Variants in NEK1 observed in about 807,000 individuals in gnomAD.
NEK1 encodes the protein serine/threonine-protein kinase Nek1.
In NEK1, 137 loss-of-function variants were observed where a neutral mutation model predicts 182.1. The ratio of observed to expected loss-of-function variants is 0.75; its 90% CI spans 0.65 to 0.87. NEK1 has a LOEUF of 0.87. NEK1 is among the 40% of genes least tolerant of loss of function. The pLI is 0.00. For synonymous variants in NEK1, 513 were observed against 492.2 expected, an observed-to-expected ratio of 1.04 and a Z score of -0.56; for missense variants, 1,391 against 1,494.4, an observed-to-expected ratio of 0.93 and a Z score of 1.14.
chr4:169,495,456 A>T (rs1751051225), intron 23 of NEK1, among the ~76,000 whole-genome samples: 1 of 151,578 alleles, frequency 6.6e-6, no homozygotes, highest in South Asian at 2.1e-4. Flanking sequence ...GTTAGCCAGG[A>T]TGGTCTCGAT....
intron 12 of NEK1, among the ~76,000 whole-genome samples, chr4:169,569,510 CCT>C (rs1224883244): frequency 2.7e-5 from 4 of 146,116 alleles, no homozygotes; most frequent in African/African-American, 5.2e-5. Flanking sequence ...TCTCCCTCTC[CCT>C]CTCTTTCCAC....
intron 2 of NEK1, among the ~76,000 whole-genome samples, chr4:169,606,833 G>C (rs970323021): frequency 2.0e-5 from 3 of 152,148 alleles, no homozygotes; most frequent in African/African-American, 7.2e-5. Flanking sequence ...AATATATAAA[G>C]AAACAGCAAT....
At chr4:169,609,414 A>T (rs555079300) in intron 2 of NEK1, among the ~76,000 whole-genome samples, 83 of 152,344 alleles carry the variant, frequency 5.4e-4, no homozygotes, top group Admixed American at 1.5e-3. Context: ...CCTCTGCAGC[A>T]CTGTTTCTAA....
chr4:169,455,175 TG>T (rs1424847935), intron 27 of NEK1, among the ~76,000 whole-genome samples: 2 of 152,056 alleles, frequency 1.3e-5, no homozygotes, highest in Non-Finnish European at 2.9e-5. Context: ...TGGGGCATGT[TG>T]GGGGGTTGGG....
intron 18 of NEK1, among the ~76,000 whole-genome samples, chr4:169,550,032 T>C (rs10001274): frequency 0.33 from 50,217 of 152,020 alleles, 11,311 homozygotes; most frequent in African/African-American, 0.65. Context: ...TTTTTCAAGA[T>C]TTAGCAATAC....
intron 12 of NEK1, among the ~76,000 whole-genome samples, chr4:169,569,619 G>A (rs975657640): frequency 6.6e-6 from 1 of 152,054 alleles, no homozygotes; most frequent in Non-Finnish European, 1.5e-5. Context: ...AGCCTGCCGA[G>A]TGCCTGCGAT....
At chr4:169,503,262 T>A (rs1342479300) in intron 23 of NEK1, among the ~76,000 whole-genome samples, 3 of 152,052 alleles carry the variant, frequency 2.0e-5, no homozygotes, top group African/African-American at 4.8e-5. Context: ...TTAATGCCCA[T>A]GGAAGGAGAC....
chr4:169,508,493 T>C (rs1180282433), intron 20 of NEK1, among the ~76,000 whole-genome samples, 162 bp from the exon 21 acceptor site: 1 of 152,178 alleles, frequency 6.6e-6, no homozygotes, highest in African/African-American at 2.4e-5. Flanking sequence ...CTTTCAAGTG[T>C]TTAATTAAGA....
chr4:169,570,836 A>G (rs1223233653), intron 12 of NEK1, among the ~76,000 whole-genome samples: 3 of 152,060 alleles, frequency 2.0e-5, no homozygotes, highest in African/African-American at 4.8e-5. Flanking sequence ...TGTACTAAGA[A>G]CAAATTCTTC....
At chr4:169,450,612 TAC>T (rs1172165278) in intron 27 of NEK1, among the ~76,000 whole-genome samples, 1 of 152,026 alleles carries the variant, frequency 6.6e-6, no homozygotes, top group Non-Finnish European at 1.5e-5. Context: ...TAAAATCCTT[TAC>T]AGACAAGAAA....
At chr4:169,451,886 G>A (rs1209625277) in intron 27 of NEK1, among the ~76,000 whole-genome samples, 5 of 152,072 alleles carry the variant, frequency 3.3e-5, no homozygotes, top group Non-Finnish European at 7.4e-5. Context: ...TAGACCACTA[G>A]CAAGACTAAT....
At chr4:169,564,468 G>GT (rs1431110864) in intron 12 of NEK1, among the ~76,000 whole-genome samples, 1 of 151,980 alleles carries the variant, frequency 6.6e-6, no homozygotes, top group Non-Finnish European at 1.5e-5. Context: ...CTGTGCTTCA[G>GT]TTTTCTAAAT....
intron 27 of NEK1, among the ~76,000 whole-genome samples, chr4:169,442,233 G>A (rs1346734578): frequency 6.6e-6 from 1 of 152,226 alleles, no homozygotes; most frequent in Non-Finnish European, 1.5e-5. Flanking sequence ...ACTGGGGCCT[G>A]AGGACTGGCT....
chr4:169,515,506 T>C (rs1038102328), intron 19 of NEK1, among the ~76,000 whole-genome samples: 26 of 150,952 alleles, frequency 1.7e-4, no homozygotes, highest in African/African-American at 5.7e-4. Context: ...ACTTCTTTTT[T>C]TTTTTTTTAT....
At chr4:169,603,820 C>T (rs952054231) in intron 2 of NEK1, among the ~76,000 whole-genome samples, 20 of 151,694 alleles carry the variant, frequency 1.3e-4, no homozygotes, top group African/African-American at 3.6e-4. Context: ...ATTCCCCTGC[C>T]TCAGCCTCCC....
chr4:169,396,304 T>TGCA (rs1243420599), intron 35 of NEK1, among the ~76,000 whole-genome samples: 1 of 129,786 alleles, frequency 7.7e-6, no homozygotes, highest in African/African-American at 3.0e-5. Context: ...AGGCAGAGGT[T>TGCA]GCAGTGAGCC....
chr4:169,569,304 T>A (rs76005534), intron 12 of NEK1, among the ~76,000 whole-genome samples: 16,709 of 152,200 alleles, frequency 0.11, 1,008 homozygotes, highest in East Asian at 0.17. Context: ...TACATAATAA[T>A]TGTACATATT....
At chr4:169,600,490 A>G (rs1770301297) in intron 4 of NEK1, among the ~76,000 whole-genome samples, 3 of 152,112 alleles carry the variant, frequency 2.0e-5, no homozygotes, top group Admixed American at 2.0e-4. Flanking sequence ...GAGCCACCGC[A>G]TCCAGCCTCC....
At chr4:169,505,714 A>C (rs927750429) in intron 23 of NEK1, among the ~76,000 whole-genome samples, 6 of 152,244 alleles carry the variant, frequency 3.9e-5, no homozygotes, top group African/African-American at 1.4e-4. Context: ...GATGTATATC[A>C]CGACTATTTG....
Sources: gnomAD v4.1 joint callset for allele counts (sites outside exome capture counted in the v4.1 genomes callset) on GRCh38, gnomAD v4.1.1 for gene constraint, MANE v1.5 for transcripts, NCBI Gene and HGNC (gene_info 2026-07-23, HGNC 2026-07-21) for gene names.